FABP6: variants seen among roughly 807,000 people sequenced by gnomAD.
The protein encoded by FABP6 is fatty acid binding protein 6.
Under a neutral mutation model 14.9 loss-of-function variants are expected in FABP6, and 13 were observed. That is an observed-to-expected ratio of 0.87 (90% CI 0.57 to 1.39). FABP6 has a LOEUF of 1.39. Among genes scored for constraint, FABP6 ranks in the 40% most tolerant of loss-of-function variants. The probability of loss-of-function intolerance (pLI) is 0.00; values close to 1 mark genes in which losing one functional copy is unlikely to be tolerated. For missense variants in FABP6, 161 were observed against 167.2 expected (o/e 0.96, Z 0.20); for synonymous variants, 75 against 63.6 (o/e 1.18, Z -0.85).
chr5:160,223,564 G>C (rs1002493265), intron 3 of FABP6, among the ~76,000 whole-genome samples: 11 of 151,570 alleles, frequency 7.3e-5, no homozygotes, highest in African/African-American at 2.2e-4. Flanking sequence ...TGGGACTACA[G>C]GCACACGCCA....
upstream of FABP6, among the ~76,000 whole-genome samples, chr5:160,225,461 G>T (rs562421241): frequency 2.0e-5 from 3 of 149,182 alleles, no homozygotes; most frequent in Non-Finnish European, 4.4e-5. Context: ...GAGTGCAGTG[G>T]TGTGATCTCG....
intron 1 of FABP6, among the ~76,000 whole-genome samples, chr5:160,193,622 C>T (rs1166870387): frequency 6.6e-6 from 1 of 152,072 alleles, no homozygotes; most frequent in Non-Finnish European, 1.5e-5. Context: ...TACAGAGTAT[C>T]CACACAAAGG....
At chr5:160,216,980 C>T (rs1303321466) in intron 3 of FABP6, among the ~76,000 whole-genome samples, 3 of 152,246 alleles carry the variant, frequency 2.0e-5, no homozygotes, top group South Asian at 2.1e-4. Context: ...CATCCTCCTC[C>T]GCTTACCACC....
At chr5:160,225,025 C>T (rs569599741), upstream of FABP6, among the ~76,000 whole-genome samples, 104 of 149,088 alleles carry the variant, frequency 7.0e-4, no homozygotes, top group South Asian at 4.1e-3. Flanking sequence ...AGTGATCCGC[C>T]GGCCTTGGCT....
intron 2 of FABP6, among the ~76,000 whole-genome samples, chr5:160,203,925 T>C (rs139673429): frequency 6.6e-6 from 1 of 152,082 alleles, no homozygotes; most frequent in Non-Finnish European, 1.5e-5. Flanking sequence ...GATCTCGAAC[T>C]CCTGACCTCA....
rs1760473521 is a variant in FABP6 at position 160,234,914 on chromosome 5, G to A, written c.333+5G>A. On this transcript the variant is annotated splice_donor_5th_base_variant and intron_variant, in intron 3 of 3. Transcript: ENST00000402432. ...GTGGGTGACAAGCTGGTGGAGGTGA[G>A]TGTCATGCTGATTCCTGGGATGATT... 6.2e-7 allele frequency: 1 copy of A among 1,608,628 alleles called. No individual in the cohort carries two copies. The highest frequency in any genetic ancestry group is 1.7e-4 in the Middle Eastern group (1 of 6,036).
At chr5:160,191,575 G>T (rs1326266307) in intron 1 of FABP6, among the ~76,000 whole-genome samples, 1 of 147,424 alleles carries the variant, frequency 6.8e-6, no homozygotes, top group African/African-American at 2.5e-5. Flanking sequence ...TTGCTTCAGC[G>T]TCAATGGCTT....
chr5:160,208,817 C>T (rs1759824451), intron 2 of FABP6, among the ~76,000 whole-genome samples: 1 of 150,474 alleles, frequency 6.6e-6, no homozygotes, highest in African/African-American at 2.5e-5. Context: ...CACTCTGTTG[C>T]CCAGGCTGGA....
intron 2 of FABP6, among the ~76,000 whole-genome samples, chr5:160,202,108 G>A (rs1759654146): frequency 6.8e-6 from 1 of 146,246 alleles, no homozygotes; most frequent in South Asian, 2.2e-4. Flanking sequence ...CACCAAATGT[G>A]CTCTTGGGTG....
chr5:160,230,027 C>T (rs1461359878), intron 1 of FABP6, among the ~76,000 whole-genome samples: 3 of 123,392 alleles, frequency 2.4e-5, no homozygotes, highest in Non-Finnish European at 5.0e-5. Flanking sequence ...GTGTGCACCA[C>T]CACGCCCGGC....
intron 3 of FABP6, among the ~76,000 whole-genome samples, chr5:160,220,075 G>A (rs1230426923): frequency 2.0e-5 from 3 of 152,146 alleles, no homozygotes; most frequent in African/African-American, 7.2e-5. Context: ...GGCCTGGAAG[G>A]GATCACAATG....
upstream of FABP6, among the ~76,000 whole-genome samples, chr5:160,228,319 A>G (rs1760295476): frequency 6.6e-6 from 1 of 150,938 alleles, no homozygotes; most frequent in African/African-American, 2.4e-5. Context: ...TGAACCCGGG[A>G]GGCGGAGGTT....
Position 160,238,706 on chromosome 5 carries a change from A to G in FABP6, c.*47A>G. ...AGCTACAAACCCACCAATAAAACTG[A>G]TATAAGGACAGACGCTGCTCGCTCC... On this transcript the variant is annotated 3_prime_UTR_variant, in exon 4 of 4. Coordinates refer to ENST00000402432, the MANE Select transcript of FABP6 (RefSeq NM_001445.3). The G allele has an allele frequency of 6.3e-7, 1 of 1,578,774 alleles. No individual in the cohort carries two copies. The highest frequency in any genetic ancestry group is 8.7e-7 in the Non-Finnish European group (1 of 1,148,158).
At chr5:160,193,956 G>A (rs370948828) in intron 1 of FABP6, among the ~76,000 whole-genome samples, 4 of 152,216 alleles carry the variant, frequency 2.6e-5, no homozygotes, top group African/African-American at 7.2e-5. Flanking sequence ...GGCGGCGCTC[G>A]TCGGGGAGGC....
intron 3 of FABP6, among the ~76,000 whole-genome samples, chr5:160,221,453 C>T (rs1561751289): frequency 6.6e-6 from 1 of 152,156 alleles, no homozygotes; most frequent in South Asian, 2.1e-4. Context: ...TTACAAGGTA[C>T]GAACTTCCTC....
At chr5:160,215,319 G>C (rs1759987146) in intron 3 of FABP6, among the ~76,000 whole-genome samples, 1 of 152,140 alleles carries the variant, frequency 6.6e-6, no homozygotes, top group African/African-American at 2.4e-5. Context: ...TTCGAGACCA[G>C]CCTGACCAAC....
At position 160,213,266 on chromosome 5, in the gene FABP6, T is replaced by C. The variant is rs1392046620; in HGVS notation, c.52-470T>C. Among the ~76,000 whole-genome samples the C allele has an allele frequency of 2.0e-5, 3 of 152,170 alleles. No homozygotes were observed. The South Asian group carries it at 6.2e-4, about 32-fold the overall frequency. ...CAGTACTCATGTCCCGTTTGTCCCA[T>C]CGCCCGATGGCAATGAGGGTGCATG... is the stretch of plus-strand genomic sequence containing the variant. On this transcript the variant is annotated intron_variant, in intron 2 of 6. Transcript: ENST00000393980.
intron 1 of FABP6, among the ~76,000 whole-genome samples, chr5:160,188,681 C>CG (rs551940171): frequency 9.2e-4 from 140 of 152,304 alleles, no homozygotes; most frequent in Admixed American, 1.9e-3. Flanking sequence ...GAGGCAGCGC[C>CG]GGGACCGGGC....
chr5:160,191,468 A>AAACC (rs1346488022), intron 1 of FABP6, among the ~76,000 whole-genome samples: 1 of 150,404 alleles, frequency 6.6e-6, no homozygotes, highest in Non-Finnish European at 1.5e-5. Flanking sequence ...ACTCCATCTC[A>AAACC]AACAAACAAA....
Sources: allele counts gnomAD v4.1 joint callset (sites outside exome capture counted in the v4.1 genomes callset), GRCh38; gene constraint gnomAD v4.1.1; transcripts MANE v1.5; gene names NCBI Gene and HGNC (gene_info 2026-07-23, HGNC 2026-07-21).